ERG: variants seen among roughly 807,000 people sequenced by gnomAD.
The protein encoded by ERG is ETS transcription factor ERG.
In ERG, 9 loss-of-function variants were observed where a neutral mutation model predicts 55.3. The observed-to-expected ratio is 0.16, with a 90% CI of 0.10 to 0.28. ERG has a LOEUF of 0.28. Among genes scored for constraint, ERG ranks in the 10% least tolerant of loss-of-function variants. ERG has a pLI of 1.00. For synonymous variants in ERG, 223 were observed against 237.3 expected (o/e 0.94, Z 0.55); for missense variants, 434 against 631.6 (o/e 0.69, Z 3.35).
intron 2 of ERG, among the ~76,000 whole-genome samples, chr21:38,424,289 C>G (rs925395840): frequency 4.0e-5 from 6 of 151,706 alleles, no homozygotes; most frequent in African/African-American, 1.5e-4. Context: ...GAGACCTCAC[C>G]AGAGACTGGC....
At chr21:38,620,100 C>T (rs752700789) in intron 1 of ERG, among the ~76,000 whole-genome samples, 83 of 152,168 alleles carry the variant, frequency 5.5e-4, no homozygotes, top group Non-Finnish European at 1.0e-3. Context: ...CTGACTCCTC[C>T]GTAAATCAAC....
At chr21:38,519,633 G>A (rs1427669823) in intron 2 of ERG, among the ~76,000 whole-genome samples, 3 of 152,222 alleles carry the variant, frequency 2.0e-5, no homozygotes, top group Non-Finnish European at 4.4e-5. Context: ...AGGACAAGAG[G>A]AGCAGAGAAG....
At chr21:38,391,345 A>G (rs527270446) in intron 8 of ERG, among the ~76,000 whole-genome samples, 1 of 152,200 alleles carries the variant, frequency 6.6e-6, no homozygotes, top group Admixed American at 6.5e-5. Flanking sequence ...AAGCCCCATC[A>G]ATCCAGGGCC....
chr21:38,368,701 T>C, the ERG span, among the ~76,000 whole-genome samples: 1 of 152,186 alleles, frequency 6.6e-6, no homozygotes, highest in Non-Finnish European at 1.5e-5. Context: ...TTGTCCAGAC[T>C]ATTTCATCAC....
intron 1 of ERG, among the ~76,000 whole-genome samples, chr21:38,592,362 G>C (rs1024931809): frequency 3.3e-5 from 5 of 152,196 alleles, no homozygotes; most frequent in African/African-American, 1.2e-4. Flanking sequence ...AGAAAAGAGT[G>C]TTCAGAGGAA....
intron 2 of ERG, among the ~76,000 whole-genome samples, chr21:38,513,560 A>C (rs2059530378): frequency 6.6e-6 from 1 of 152,194 alleles, no homozygotes; most frequent in Non-Finnish European, 1.5e-5. Flanking sequence ...AATCCTTCTG[A>C]TTAGAGCACA....
rs142650746 is a variant in ERG, at chr21:38,580,413, C to T, written c.-127+4431G>A. ...GGTAACCAAACAAACTAAAACCATA[C>T]TAAAAATTTTTAGTAGTTGGTGATA... On this transcript the variant is annotated intron_variant, in intron 1 of 8. Transcript: ENST00000398897. Among the ~76,000 whole-genome samples, 373 of 152,314 alleles carry T rather than the reference C, an allele frequency of 2.4e-3. 5 individuals are homozygous for T. The highest frequency in any genetic ancestry group is 8.5e-3 in the African/African-American group (354 of 41,556).
rs1988608854 is a variant in ERG, at chr21:38,403,501, C to A, written c.592+5G>T. 1 of 1,613,688 alleles carries A rather than the reference C, an allele frequency of 6.2e-7. No individual in the cohort carries two copies. Among genetic ancestry groups the A allele is most frequent in the Non-Finnish European group, 8.5e-7 (1 of 1,179,804 alleles). On this transcript the variant is annotated splice_donor_5th_base_variant and intron_variant, in intron 4 of 9. Transcript: ENST00000288319. ...CATCTATCCTTGGAGGAAGGGGGAG[C>A]TTACTCTCTCTGAGGTAGTGGAGAT...
chr21:38,640,625 A>G (rs2060418370), intron 1 of ERG, among the ~76,000 whole-genome samples: 1 of 152,186 alleles, frequency 6.6e-6, no homozygotes, highest in South Asian at 2.1e-4. Context: ...GCCGCCATGT[A>G]AGATGTGCCT....
chr21:38,597,472 TACAC>T (rs3065420), intron 1 of ERG, among the ~76,000 whole-genome samples: 4 of 148,152 alleles, frequency 2.7e-5, no homozygotes, highest in Admixed American at 6.7e-5. Flanking sequence ...TATATATATC[TACAC>T]ACACACACAC....
At chr21:38,509,831 G>T (rs1298176222) in intron 2 of ERG, among the ~76,000 whole-genome samples, 2 of 152,212 alleles carry the variant, frequency 1.3e-5, no homozygotes, top group South Asian at 2.1e-4. Flanking sequence ...AAAGAGAAAA[G>T]CTCTAGTGTT....
At chr21:38,528,691 A>T (rs921479528) in intron 2 of ERG, among the ~76,000 whole-genome samples, 1 of 39,778 alleles carries the variant, frequency 2.5e-5, no homozygotes. Context: ...CTCATGATCC[A>T]CCCGCCTCGG....
intron 1 of ERG, among the ~76,000 whole-genome samples, chr21:38,577,021 C>T (rs2059998787): frequency 6.6e-6 from 1 of 152,246 alleles, no homozygotes; most frequent in Non-Finnish European, 1.5e-5. Flanking sequence ...GAAGCCATCA[C>T]TTGCTTTTTA....
chr21:38,508,159 C>T, intron 2 of ERG, among the ~76,000 whole-genome samples: 1 of 149,792 alleles, frequency 6.7e-6, no homozygotes, highest in Non-Finnish European at 1.5e-5. Flanking sequence ...GAGAGAGAGA[C>T]AGAGCAGGAG....
intron 1 of ERG, among the ~76,000 whole-genome samples, chr21:38,643,248 G>A (rs576354814): frequency 7.0e-4 from 106 of 152,268 alleles, no homozygotes; most frequent in African/African-American, 2.2e-3. Flanking sequence ...ACCAGAGCAC[G>A]CAGGAAATCC....
intron 3 of ERG, among the ~76,000 whole-genome samples, chr21:38,421,513 G>A (rs1989539904): frequency 6.6e-6 from 1 of 152,158 alleles, no homozygotes; most frequent in Admixed American, 6.5e-5. Flanking sequence ...AAGCCCACTG[G>A]GCATGATCCA....
At chr21:38,424,181 G>GCGCTCTCTCTCT (rs1555896858) in intron 2 of ERG, among the ~76,000 whole-genome samples, 99 of 88,068 alleles carry the variant, frequency 1.1e-3, no homozygotes, top group African/African-American at 3.7e-3. Flanking sequence ...AGAGACCAGA[G>GCGCTCTCTCTCT]CTCGAGCTCT....
chr21:38,459,521 G>C (rs1384916920), intron 1 of ERG, among the ~76,000 whole-genome samples: 2 of 152,198 alleles, frequency 1.3e-5, no homozygotes, highest in Non-Finnish European at 2.9e-5. Flanking sequence ...CTTTGCTTCT[G>C]CTACACTGAC....
At chr21:38,638,860 C>G (rs2836580) in intron 1 of ERG, among the ~76,000 whole-genome samples, 28,294 of 152,078 alleles carry the variant, frequency 0.19, 2,843 homozygotes, top group East Asian at 0.29. Flanking sequence ...CATCCTGTGC[C>G]TAGCAGGTAA....
Sources: allele counts gnomAD v4.1 joint callset (sites outside exome capture counted in the v4.1 genomes callset), GRCh38; gene constraint gnomAD v4.1.1; transcripts MANE v1.5; gene names NCBI Gene and HGNC (gene_info 2026-07-23, HGNC 2026-07-21).